The following HDAC9 variants were observed in gnomAD, a reference collection of about 807,000 sequenced individuals.
HDAC9 encodes MEF-2 interacting transcription repressor (MITR) protein.
In HDAC9, 41 loss-of-function variants were observed where a neutral mutation model predicts 139.4. That is an observed-to-expected ratio of 0.29 (90% confidence interval 0.23 to 0.38). HDAC9 has a LOEUF of 0.38. Among genes scored for constraint, HDAC9 ranks in the 10% least tolerant of loss-of-function variants. The pLI is 1.00. For synonymous variants in HDAC9, 517 were observed against 476.2 expected (o/e 1.09, Z -1.12); for missense variants, 1,147 against 1,297.0 (o/e 0.88, Z 1.78).
At chr7:18,677,176 T>C (rs1264332963) in intron 12 of HDAC9, among the ~76,000 whole-genome samples, 1 of 151,954 alleles carries the variant, frequency 6.6e-6, no homozygotes, top group Non-Finnish European at 1.5e-5. Flanking sequence ...TGATCTGTTA[T>C]TCTGACACTA....
intron 1 of HDAC9, among the ~76,000 whole-genome samples, chr7:18,443,936 A>ATATG (rs72227358): frequency 1.4e-4 from 21 of 151,574 alleles, no homozygotes; most frequent in South Asian, 4.2e-4. Flanking sequence ...ATATGTATAT[A>ATATG]TATGTATGTA....
chr7:18,551,274 A>G (rs1353251254), intron 2 of HDAC9, among the ~76,000 whole-genome samples: 3 of 152,178 alleles, frequency 2.0e-5, no homozygotes, highest in African/African-American at 7.2e-5. Context: ...TTTTAGACAT[A>G]CAAGTAGACA....
intron 2 of HDAC9, among the ~76,000 whole-genome samples, chr7:18,231,943 G>A (rs1041307275): frequency 6.6e-6 from 1 of 152,086 alleles, no homozygotes; most frequent in African/African-American, 2.4e-5. Flanking sequence ...ATGAAGACAT[G>A]GAAAGATACA....
intron 1 of HDAC9, among the ~76,000 whole-genome samples, chr7:18,156,184 A>G (rs1787187515): frequency 6.6e-6 from 1 of 152,208 alleles, no homozygotes; most frequent in African/African-American, 2.4e-5. Context: ...CTTGTCTAAT[A>G]AAAAGATGGA....
chr7:18,160,968 A>G (rs1297865102), intron 1 of HDAC9, among the ~76,000 whole-genome samples: 1 of 152,198 alleles, frequency 6.6e-6, no homozygotes, highest in Non-Finnish European at 1.5e-5. Context: ...ATATAAAAAT[A>G]AAAAAGTTTG....
chr7:18,409,795 A>G (rs1490156832), intron 1 of HDAC9, among the ~76,000 whole-genome samples: 1 of 152,176 alleles, frequency 6.6e-6, no homozygotes, highest in Non-Finnish European at 1.5e-5. Flanking sequence ...CTATTTTCTT[A>G]TATTTTACAT....
intron 2 of HDAC9, among the ~76,000 whole-genome samples, chr7:18,550,571 T>C (rs1393553944): frequency 2.0e-5 from 3 of 152,116 alleles, no homozygotes; most frequent in Non-Finnish European, 4.4e-5. Flanking sequence ...AAGAAAGAGT[T>C]AAGTAGGTGG....
At chr7:18,610,186 C>T (rs113319954) in intron 6 of HDAC9, among the ~76,000 whole-genome samples, 3 of 152,066 alleles carry the variant, frequency 2.0e-5, no homozygotes, top group South Asian at 2.1e-4. Flanking sequence ...ATTAAGAACT[C>T]GTTAATTTTT....
At chr7:18,513,731 G>A (rs1362307701) in intron 2 of HDAC9, among the ~76,000 whole-genome samples, 2 of 152,176 alleles carry the variant, frequency 1.3e-5, no homozygotes, top group Non-Finnish European at 2.9e-5. Context: ...TGTAAGCTAG[G>A]ATGGGTTGCC....
intron 22 of HDAC9, among the ~76,000 whole-genome samples, chr7:18,885,395 CTTATT>C (rs528704620): frequency 3.0e-4 from 45 of 152,302 alleles, no homozygotes; most frequent in African/African-American, 9.9e-4. Context: ...TCTGCACTAT[CTTATT>C]TTGTTTTTAT....
At chr7:18,256,895 C>A (rs1042046478) in intron 2 of HDAC9, among the ~76,000 whole-genome samples, 1 of 151,710 alleles carries the variant, frequency 6.6e-6, no homozygotes, top group African/African-American at 2.4e-5. Flanking sequence ...TGAGACCAGA[C>A]TGGGCAACAT....
At chr7:18,316,448 T>A (rs1799643195) in intron 1 of HDAC9, among the ~76,000 whole-genome samples, 1 of 152,064 alleles carries the variant, frequency 6.6e-6, no homozygotes, top group Non-Finnish European at 1.5e-5. Flanking sequence ...GGTTTTGTGC[T>A]GCATTGTGAC....
intron 2 of HDAC9, among the ~76,000 whole-genome samples, chr7:18,238,899 A>G (rs1051342342): frequency 6.6e-6 from 1 of 152,214 alleles, no homozygotes; most frequent in Non-Finnish European, 1.5e-5. Context: ...CCAGAGGCAA[A>G]TCACTGGCTC....
chr7:18,499,942 ATGTAAGTC>A (rs886191235), intron 2 of HDAC9, among the ~76,000 whole-genome samples: 2 of 152,110 alleles, frequency 1.3e-5, no homozygotes, highest in Non-Finnish European at 2.9e-5. Flanking sequence ...AATTATGAAA[ATGTAAGTC>A]TGTGAAATGT....
chr7:18,149,786 C>G (rs1451312497), intron 1 of HDAC9, among the ~76,000 whole-genome samples: 1 of 152,066 alleles, frequency 6.6e-6, no homozygotes, highest in Admixed American at 6.5e-5. Context: ...GATCTCCTGA[C>G]CTTGTGATCT....
chr7:18,689,525 TAATC>T (rs1440419665), intron 12 of HDAC9, among the ~76,000 whole-genome samples: 3 of 152,010 alleles, frequency 2.0e-5, no homozygotes, highest in Non-Finnish European at 4.4e-5. Context: ...AAAGTTCTCT[TAATC>T]AAGAAATTTC....
intron 12 of HDAC9, among the ~76,000 whole-genome samples, chr7:18,676,650 T>C (rs1036048196): frequency 6.6e-6 from 1 of 151,978 alleles, no homozygotes; most frequent in African/African-American, 2.4e-5. Context: ...TATTTGACTT[T>C]TGCTTAATTA....
intron 1 of HDAC9, among the ~76,000 whole-genome samples, chr7:18,137,423 A>G (rs1247333427): frequency 6.6e-6 from 1 of 150,692 alleles, no homozygotes; most frequent in Non-Finnish European, 1.5e-5. Flanking sequence ...CCCATTCAGT[A>G]TGTTATTGGC....
At chr7:18,668,048 T>G in intron 12 of HDAC9, 1 of 980,132 alleles carries the variant, frequency 1.0e-6, no homozygotes, top group Middle Eastern at 5.3e-4. Flanking sequence ...TTGCCAAATG[T>G]AGACATTGTT....
Sources: gnomAD v4.1 joint callset for allele counts (sites outside exome capture counted in the v4.1 genomes callset) on GRCh38, gnomAD v4.1.1 for gene constraint, MANE v1.5 for transcripts, NCBI Gene and HGNC (gene_info 2026-07-23, HGNC 2026-07-21) for gene names.